ZNF146: variants seen among roughly 807,000 people sequenced by gnomAD.
ZNF146 encodes zinc finger protein OZF.
ZNF146 carries 9 observed loss-of-function variants against 22.2 expected under a neutral mutation model. The ratio of observed to expected loss-of-function variants is 0.41; its 90% CI spans 0.24 to 0.71. The LOEUF is 0.71. ZNF146 is among the 30% of genes least tolerant of loss of function. ZNF146 has a pLI of 0.34. For synonymous variants in ZNF146, 108 were observed against 119.2 expected, an observed-to-expected ratio of 0.91 and a Z score of 0.61; for missense variants, 194 against 344.8, an observed-to-expected ratio of 0.56 and a Z score of 3.46.
chr19:36,217,583 C>T (rs1176369931), intron 1 of ZNF146, among the ~76,000 whole-genome samples: 1 of 151,924 alleles, frequency 6.6e-6, no homozygotes, highest in Non-Finnish European at 1.5e-5. Flanking sequence ...GTATGATACA[C>T]GATGCATTTG....
chr19:36,234,420 C>T (rs114202562), intron 3 of ZNF146, among the ~76,000 whole-genome samples: 1,866 of 152,284 alleles, frequency 0.012, 39 homozygotes, highest in African/African-American at 0.042. Flanking sequence ...AGAAGATTAA[C>T]CATGTTGTCC....
chr19:36,237,265 A>G lies in ZNF146; in HGVS notation c.825A>G (p.Lys275=), dbSNP rs762295177. 11 of 1,613,998 alleles carry G rather than the reference A, an allele frequency of 6.8e-6. No homozygotes were observed. Among genetic ancestry groups the G allele is most frequent in the South Asian group, 1.1e-5 (1 of 91,074 alleles). ...KKPYQCSECG[K]AFSQKSHHIR... is the part of the protein sequence containing the mutation. ...CTTATCAGTGCAGTGAATGTGGGAAAGCTTTCAGCCAGAAGTCACACCACA... is the reference window on the plus strand; with the variant it reads ...CTTATCAGTGCAGTGAATGTGGGAAGGCTTTCAGCCAGAAGTCACACCACA... The change falls in exon 4 of 4, where the codon AAA becomes AAG. Residue 275 remains lysine (K), a synonymous_variant. Transcript: ENST00000443387.
At position 36,236,428 on chromosome 19, in the gene ZNF146, A is replaced by T; in HGVS notation, c.-13A>T. 1.3e-6 allele frequency: 2 copies of T among 1,571,852 alleles called. No homozygotes were observed. Among genetic ancestry groups the T allele is most frequent in the Non-Finnish European group, 1.7e-6 (2 of 1,161,828 alleles). On this transcript the variant is annotated 5_prime_UTR_variant, in exon 4 of 4. In the 5' UTR this introduces an upstream ATG that the reference lacks. Coordinates refer to ENST00000443387, the MANE Select transcript of ZNF146 (RefSeq NM_007145.3). ...GAGAGAAACCTTGTGAATGTGGGAA[A>T]GCTTCCATTCAGATGTCACACCTCA...
intron 3 of ZNF146, among the ~76,000 whole-genome samples, chr19:36,233,070 A>G (rs1458527936): frequency 6.6e-6 from 1 of 152,202 alleles, no homozygotes; most frequent in Admixed American, 6.5e-5. Context: ...AAAAAATTAA[A>G]TATGTATTTT....
rs1452687383 is a variant in ZNF146 at position 36,216,879 on chromosome 19, A to T, written c.-928-1243A>T. On this transcript the variant is annotated intron_variant, in intron 1 of 3. Coordinates refer to ENST00000443387, the MANE Select transcript of ZNF146 (RefSeq NM_007145.3). ...GCTCACACCTGTGAGCCAAGGCAGG[A>T]GGATGGCTAGAGTCCAGGAGTTAGA... is the stretch of plus-strand genomic sequence containing the variant. 7.9e-5 allele frequency among the ~76,000 whole-genome samples: 4 copies of T among 50,630 alleles called. No homozygotes were observed. The East Asian group carries it at 2.0e-3, about 25-fold the overall frequency. The allele number at this position is 50,630 out of a possible 152,430, so 33.2% of individuals were successfully genotyped here.
intron 1 of ZNF146, among the ~76,000 whole-genome samples, chr19:36,217,158 G>A (rs898637399): frequency 1.5e-5 from 2 of 135,952 alleles, no homozygotes; most frequent in African/African-American, 2.7e-5. Context: ...TGCCCCCCAG[G>A]TTCAAGCGAT....
intron 2 of ZNF146, among the ~76,000 whole-genome samples, chr19:36,221,407 G>A (rs1196154224): frequency 6.7e-6 from 1 of 148,564 alleles, no homozygotes; most frequent in African/African-American, 2.5e-5. Context: ...TTCTGCCTCA[G>A]CCTCCCGAGT....
chr19:36,216,466 C>G (rs929110463), intron 1 of ZNF146, among the ~76,000 whole-genome samples: 1 of 151,910 alleles, frequency 6.6e-6, no homozygotes, highest in African/African-American at 2.4e-5. Context: ...CATGGTGAAA[C>G]CCTGTCTCTA....
At chr19:36,215,759 G>A (rs1006196657) in intron 1 of ZNF146, among the ~76,000 whole-genome samples, 3 of 152,040 alleles carry the variant, frequency 2.0e-5, no homozygotes, top group African/African-American at 4.8e-5. Flanking sequence ...CTTAAATAGG[G>A]CTGTTAAGCA....
At chr19:36,231,246 G>C (rs1256444797) in intron 3 of ZNF146, among the ~76,000 whole-genome samples, 1 of 152,032 alleles carries the variant, frequency 6.6e-6, no homozygotes, top group South Asian at 2.1e-4. Flanking sequence ...GTTTCACTCT[G>C]TTGTCCAGGT....
chr19:36,221,552 TACTGGGATTACAGGCTTGAGCCACCG>T (rs1976839232), intron 2 of ZNF146, among the ~76,000 whole-genome samples: 1 of 152,140 alleles, frequency 6.6e-6, no homozygotes, highest in Admixed American at 6.6e-5. Context: ...CCTCCCAAAG[TACTGGGATTACAGGCTTGAGCCACCG>T]TGCCTGGCCA....
At chr19:36,229,488 C>T (rs2438517) in intron 3 of ZNF146, among the ~76,000 whole-genome samples, 53,016 of 152,064 alleles carry the variant, frequency 0.35, 9,673 homozygotes, top group Middle Eastern at 0.48. Context: ...CTCCTCTTAA[C>T]TCTTGACTCT....
intron 2 of ZNF146, among the ~76,000 whole-genome samples, chr19:36,227,834 T>A (rs1165089167): frequency 1.3e-5 from 2 of 152,132 alleles, no homozygotes; most frequent in African/African-American, 4.8e-5. Context: ...GGATTATAGG[T>A]GTGAGCCACT....
At chr19:36,222,272 C>T (rs1205338798) in intron 2 of ZNF146, among the ~76,000 whole-genome samples, 1 of 151,994 alleles carries the variant, frequency 6.6e-6, no homozygotes, top group Non-Finnish European at 1.5e-5. Context: ...TTTTTTTCAG[C>T]TGCTGTATAA....
chr19:36,220,908 G>C (rs1012124289), intron 2 of ZNF146, among the ~76,000 whole-genome samples: 11 of 150,174 alleles, frequency 7.3e-5, no homozygotes, highest in Non-Finnish European at 1.3e-4. Context: ...GCAGAGTGCA[G>C]TGGTGTGATC....
Position 36,236,266 on chromosome 19 carries a change from A to G in ZNF146, c.-175A>G. ...AGAGAAAGCATTGAATATACTGAGT[A>G]TGATAACATTTCCTCTCAAACCTTA... On this transcript the variant is annotated 5_prime_UTR_variant, in exon 4 of 4. It removes an upstream start codon present in the reference 5' UTR. Coordinates refer to ENST00000443387, the MANE Select transcript of ZNF146 (RefSeq NM_007145.3). 1 of 742,524 alleles carries G rather than the reference A, an allele frequency of 1.3e-6. No homozygotes were observed. Among genetic ancestry groups the G allele is most frequent in the Non-Finnish European group, 2.1e-6 (1 of 480,712 alleles). The allele number at this position is 742,524 out of a possible 1,614,324, so 46.0% of individuals were successfully genotyped here.
chr19:36,221,927 CTTTTTTTTTTTTTTT>C (rs60347994), intron 2 of ZNF146, among the ~76,000 whole-genome samples: 3 of 109,890 alleles, frequency 2.7e-5, no homozygotes, highest in African/African-American at 1.1e-4. Flanking sequence ...TTTTTTCTTT[CTTTTTTTTTTTTTTT>C]TTTTTTTGAA....
intron 2 of ZNF146, among the ~76,000 whole-genome samples, chr19:36,219,194 C>G (rs190105200): frequency 1.3e-5 from 2 of 152,266 alleles, no homozygotes; most frequent in East Asian, 1.9e-4. Context: ...GGGTCTCACT[C>G]TGGCTCAGGC....
rs1170097587 is a variant in ZNF146 at position 36,228,769 on chromosome 19, G to A, written c.-833G>A. ...ATAGTTAATATGATCCTCTGTTGAA[G>A]CAAGAAGACAAACTGTATGGTGGAG... On this transcript the variant is annotated 5_prime_UTR_variant, in exon 3 of 4. Coordinates refer to ENST00000443387, the MANE Select transcript of ZNF146 (RefSeq NM_007145.3). 1 of 152,254 alleles carries A rather than the reference G, an allele frequency of 6.6e-6. No homozygotes were observed. The highest frequency in any genetic ancestry group is 1.5e-5 in the Non-Finnish European group (1 of 68,088). 9.4% of individuals were successfully genotyped at this position (152,254 alleles called of 1,614,324 possible). A position where few individuals can be genotyped will look rare whatever the true frequency, so the allele number is the denominator to read the frequency against.
Sources: gnomAD v4.1 joint callset for allele counts (sites outside exome capture counted in the v4.1 genomes callset) on GRCh38, gnomAD v4.1.1 for gene constraint, MANE v1.5 for transcripts, NCBI Gene and HGNC (gene_info 2026-07-23, HGNC 2026-07-21) for gene names.